CHM: variants seen among roughly 807,000 people sequenced by gnomAD.
CHM encodes CHM Rab escort protein.
Under a neutral mutation model 49.0 loss-of-function variants are expected in CHM, and 10 were observed. That is an observed-to-expected ratio of 0.20 (90% confidence interval 0.13 to 0.35). The LOEUF is 0.35. CHM is among the 10% of genes least tolerant of loss of function. The pLI, the probability that CHM is intolerant of heterozygous loss-of-function variation, is 1.00. For synonymous variants in CHM, 184 were observed against 167.5 expected, an observed-to-expected ratio of 1.10 and a Z score of -0.76; for missense variants, 455 against 478.4, an observed-to-expected ratio of 0.95 and a Z score of 0.46.
intron 2 of CHM, among the ~76,000 whole-genome samples, chrX:85,990,209 G>T (rs1181324577): frequency 3.6e-5 from 4 of 112,118 alleles, no homozygotes; most frequent in South Asian, 3.7e-4. Flanking sequence ...GGAGCTGGAG[G>T]TTATTATCCT....
rs1404167159 is a variant in CHM, at chrX:85,900,665, T to C, written c.1394A>G (p.Lys465Arg). The change falls in exon 11 of 15, where the codon AAA becomes AGA. Residue 465 changes from lysine (K) to arginine (R), a missense_variant. By Grantham distance (26) the Lys-to-Arg change is conservative. Coordinates refer to ENST00000357749, the MANE Select transcript of CHM (RefSeq NM_000390.4). ...ATTTACCTGTTGATCTGAATCTGTT[T>C]TTAGGACAGATCTATCTGTAATCAG... Reference protein sequence around the residue: ...AVLITDRSVLKTDSDQQISIL... With the variant: ...AVLITDRSVLRTDSDQQISIL... 9.3e-6 allele frequency: 11 copies of C among 1,181,900 alleles called. No individual in the cohort carries two copies. The highest frequency in any genetic ancestry group is 1.3e-5 in the Non-Finnish European group (11 of 870,304).
At chrX:85,973,908 C>A (rs770785591) in intron 4 of CHM, among the ~76,000 whole-genome samples, 24 of 111,526 alleles carry the variant, frequency 2.2e-4, no homozygotes, top group Admixed American at 9.4e-4. Context: ...AAAACAAAAC[C>A]AAACCAACAA....
rs1927214876 is a variant in CHM, at chrX:85,913,339, AGAAAGAAAGAAAGAAAGAAAG to A, written c.1167-2022_1167-2002del. Among the ~76,000 whole-genome samples the A allele has an allele frequency of 1.1e-4, 8 of 73,535 alleles. 1 individual carries two copies. The highest frequency in any genetic ancestry group is 1.9e-4 in the Non-Finnish European group (7 of 36,504). The allele number at this position is 73,535 out of a possible 115,157, so 63.9% of individuals were successfully genotyped here. A position where few individuals can be genotyped will look rare whatever the true frequency, so the allele number is the denominator to read the frequency against. ...AAAAAAAAAAAAAAAAAAAAAAGAA[AGAAAGAAAGAAAGAAAGAAAG>A]AAAGAAAGAAAGAAAGAAAGAAAGA... is the stretch of plus-strand genomic sequence containing the variant. On this transcript the variant is annotated intron_variant, in intron 8 of 14. Transcript: ENST00000357749.
intron 8 of CHM, among the ~76,000 whole-genome samples, chrX:85,955,419 C>T (rs1199850459): frequency 9.1e-6 from 1 of 110,134 alleles, no homozygotes; most frequent in Non-Finnish European, 1.9e-5. Context: ...GTAAAACAAA[C>T]AAAAAAAGAC....
At chrX:85,880,714 G>T (rs1333007691) in intron 12 of CHM, among the ~76,000 whole-genome samples, 4 of 111,570 alleles carry the variant, frequency 3.6e-5, no homozygotes, top group Non-Finnish European at 7.5e-5. Flanking sequence ...TAGTAGTGAA[G>T]TAAGATTATC....
chrX:85,901,418 C>T (rs1212622577), intron 9 of CHM, among the ~76,000 whole-genome samples: 1 of 110,995 alleles, frequency 9.0e-6, no homozygotes, highest in East Asian at 2.8e-4. Context: ...TGGAATACAA[C>T]TTAAACATGT....
chrX:86,033,687 A>G, intron 1 of CHM, among the ~76,000 whole-genome samples: 1 of 112,053 alleles, frequency 8.9e-6, no homozygotes, highest in Middle Eastern at 4.6e-3. Context: ...TATAATAAAT[A>G]TTTACATCTT....
chrX:86,035,674 T>C (rs1422794742), intron 1 of CHM, among the ~76,000 whole-genome samples: 1 of 110,819 alleles, frequency 9.0e-6, no homozygotes, highest in African/African-American at 3.3e-5. Context: ...TTTTGATATA[T>C]GTTGGAATAT....
At chrX:86,047,263 G>C (rs1227834630) in intron 1 of CHM, 5 of 459,295 alleles carry the variant, frequency 1.1e-5, no homozygotes, top group Non-Finnish European at 1.9e-5. Context: ...AATCAGCATC[G>C]ACCAGATCAA....
intron 12 of CHM, among the ~76,000 whole-genome samples, chrX:85,880,862 C>T (rs1217174893): frequency 9.0e-6 from 1 of 111,633 alleles, no homozygotes; most frequent in African/African-American, 3.2e-5. Flanking sequence ...TGAATAACTA[C>T]TTTTTCCCCT....
At chrX:85,992,962 A>C (rs1049530010) in intron 2 of CHM, among the ~76,000 whole-genome samples, 1 of 111,907 alleles carries the variant, frequency 8.9e-6, no homozygotes, top group African/African-American at 3.2e-5. Context: ...ATAGACAACC[A>C]AGGCAGGTAG....
At chrX:85,894,155 A>G (rs1226667243) in intron 12 of CHM, 33 bp downstream of exon 12, 1 of 1,096,674 alleles carries the variant, frequency 9.1e-7, no homozygotes, top group Non-Finnish European at 1.3e-6. Context: ...CTAAACAAAC[A>G]CAAAATACAA....
At chrX:86,022,539 C>T (rs1316540711) in intron 2 of CHM, among the ~76,000 whole-genome samples, 1 of 111,310 alleles carries the variant, frequency 9.0e-6, no homozygotes, top group African/African-American at 3.3e-5. Context: ...CCTTTGATGG[C>T]TTTTCTCCTT....
rs1384540266 is a variant in CHM, at chrX:85,864,131, T to C, written c.*499A>G. ...ACATAGAAAGCAAAACAAACCTGTA[T>C]TCCAAATACAGGCTTCTATCTAGAT... On this transcript the variant is annotated 3_prime_UTR_variant, in exon 15 of 15. Coordinates refer to ENST00000357749, the MANE Select transcript of CHM (RefSeq NM_000390.4). The C allele has an allele frequency of 8.4e-6, 1 of 119,073 alleles. No individual in the cohort carries two copies. Among genetic ancestry groups the C allele is most frequent in the Non-Finnish European group, 1.7e-5 (1 of 57,291 alleles). 9.8% of individuals were successfully genotyped at this position (119,073 alleles called of 1,213,427 possible).
At chrX:86,007,207 A>G (rs1425302269) in intron 2 of CHM, among the ~76,000 whole-genome samples, 1 of 112,402 alleles carries the variant, frequency 8.9e-6, no homozygotes, top group African/African-American at 3.2e-5. Flanking sequence ...GGATAGCCAT[A>G]TGGAGAAAGC....
chrX:85,928,285 G>A (rs961320655), intron 8 of CHM, among the ~76,000 whole-genome samples: 1 of 112,134 alleles, frequency 8.9e-6, no homozygotes, highest in Non-Finnish European at 1.9e-5. Flanking sequence ...GCTCAGGCCT[G>A]TAGTCCCAGC....
At chrX:85,907,140 A>G (rs967603868) in intron 9 of CHM, among the ~76,000 whole-genome samples, 2 of 112,155 alleles carry the variant, frequency 1.8e-5, no homozygotes, top group Non-Finnish European at 3.8e-5. Flanking sequence ...AAAAATAGAA[A>G]AAAAGAAAAG....
At chrX:85,967,734 T>A (rs1930658858) in intron 4 of CHM, among the ~76,000 whole-genome samples, 1 of 112,013 alleles carries the variant, frequency 8.9e-6, no homozygotes, top group African/African-American at 3.2e-5. Flanking sequence ...ACAATATTTT[T>A]TAGATAATTT....
intron 8 of CHM, among the ~76,000 whole-genome samples, chrX:85,942,264 GCCCCCAA>G (rs1253523231): frequency 1.2e-5 from 1 of 85,568 alleles, no homozygotes; most frequent in African/African-American, 4.3e-5. Flanking sequence ...CCTTCCCTTA[GCCCCCAA>G]CCCCCAACCC....
Sources: allele counts gnomAD v4.1 joint callset (sites outside exome capture counted in the v4.1 genomes callset), GRCh38; gene constraint gnomAD v4.1.1; transcripts MANE v1.5; gene names NCBI Gene and HGNC (gene_info 2026-07-23, HGNC 2026-07-21).